Variants in TLR4 observed in about 807,000 individuals in gnomAD.
The protein encoded by TLR4 is toll-like receptor 4.
In TLR4, 17 loss-of-function variants were observed where a neutral mutation model predicts 27.4. The ratio of observed to expected loss-of-function variants is 0.62; its 90% confidence interval spans 0.42 to 0.93. The LOEUF (loss-of-function observed/expected upper bound fraction) is 0.93. Ranked by LOEUF, TLR4 falls within the 40% of genes least tolerant of loss-of-function variation. The pLI is 0.00. For synonymous variants in TLR4, 363 were observed against 365.7 expected (o/e 0.99, Z 0.08); for missense variants, 926 against 962.3 (o/e 0.96, Z 0.50).
chr9:117,707,776 A>G (rs1927911), intron 1 of TLR4, among the ~76,000 whole-genome samples: 94,907 of 152,116 alleles, frequency 0.62, 31,482 homozygotes, highest in Non-Finnish European at 0.74. Flanking sequence ...ATGAGCCAAG[A>G]AAAAGAATGC....
At position 117,713,341 on chromosome 9, in the gene TLR4, G is replaced by A; in HGVS notation, c.1213G>A (p.Asp405Asn). Residue 405 changes from aspartate (D) to asparagine (N), a missense_variant, in exon 3 of 3, where the codon GAT (aspartate) becomes AAT (asparagine). Physicochemically the swap from Asp to Asn is conservative, Grantham distance 23. Transcript: ENST00000355622. Reference protein sequence around the residue: ...DFGTTSLKYLDLSFNGVITMS... With the variant: ...DFGTTSLKYLNLSFNGVITMS... ...TGGGACAACCAGCCTAAAGTATTTAGATCTGAGCTTCAATGGTGTTATTAC... is the reference window on the plus strand; with the variant it reads ...TGGGACAACCAGCCTAAAGTATTTAAATCTGAGCTTCAATGGTGTTATTAC... 1 of 1,614,052 alleles carries A rather than the reference G, an allele frequency of 6.2e-7. No individual in the cohort carries two copies. The highest frequency in any genetic ancestry group is 8.5e-7 in the Non-Finnish European group (1 of 1,180,008).
In TLR4 at chr9:117,704,568, AT is replaced by A; in HGVS notation, c.93+4del. The A allele has an allele frequency of 6.2e-7, 1 of 1,613,340 alleles. No homozygotes were observed. Among genetic ancestry groups the A allele is most frequent in the Non-Finnish European group, 8.5e-7 (1 of 1,179,540 alleles). On this transcript the variant is annotated splice_donor_region_variant and intron_variant, in intron 1 of 2. Coordinates refer to ENST00000355622, the MANE Select transcript of TLR4 (RefSeq NM_138554.5). ...AAAGCTGGGAGCCCTGCGTGGAGGT[AT>A]GTGGCTGGAGTCAGCTCCTCTGAAC... is the stretch of plus-strand genomic sequence containing the variant.
chr9:117,718,187 T>A lies in TLR4; in HGVS notation c.*3539T>A, dbSNP rs1031087969. 12 of 152,100 alleles carry A rather than the reference T, an allele frequency of 7.9e-5. No individual in the cohort carries two copies. Among genetic ancestry groups the A allele is most frequent in the Non-Finnish European group, 1.8e-4 (12 of 68,004 alleles). 9.4% of individuals were successfully genotyped at this position (152,100 alleles called of 1,614,324 possible). On this transcript the variant is annotated 3_prime_UTR_variant, in exon 3 of 3. Transcript: ENST00000355622. Reference sequence around the variant, plus strand: ...TTCAATAGCCCACAGAGTAGGAAAGTGACAAAACCTGAGCCTGGGCCTCCA... The same window carrying A: ...TTCAATAGCCCACAGAGTAGGAAAGAGACAAAACCTGAGCCTGGGCCTCCA...
Position 117,721,959 on chromosome 9 carries a change from C to T in TLR4, c.*7311C>T, listed in dbSNP as rs1263010819. The T allele has an allele frequency of 1.3e-5, 2 of 152,212 alleles. No homozygotes were observed. The highest frequency in any genetic ancestry group is 2.9e-5 in the Non-Finnish European group (2 of 68,040). The allele number at this position is 152,212 out of a possible 1,614,324, so 9.4% of individuals were successfully genotyped here. On this transcript the variant is annotated 3_prime_UTR_variant, in exon 3 of 3. Transcript: ENST00000355622. Reference sequence around the variant, plus strand: ...ATTGGCCTATTTGATGGTGAGCTCACTACATCCATTTAGATGTTGTGTCCA... The same window carrying T: ...ATTGGCCTATTTGATGGTGAGCTCATTACATCCATTTAGATGTTGTGTCCA...
At chr9:117,710,623 A>C (rs1458318098) in intron 2 of TLR4, among the ~76,000 whole-genome samples, 1 of 152,118 alleles carries the variant, frequency 6.6e-6, no homozygotes, top group Non-Finnish European at 1.5e-5. Context: ...AATTAGGGCA[A>C]GCACAAAAGA....
Position 117,713,805 on chromosome 9 carries a change from C to CA in TLR4, c.1683dup (p.Gln562ThrfsTer9), listed in dbSNP as rs759923416. On this transcript the variant is annotated frameshift_variant, in exon 3 of 3. Coordinates refer to ENST00000355622, the MANE Select transcript of TLR4 (RefSeq NM_138554.5). LOFTEE classifies it high-confidence loss of function. ...ACAGTCTCAATCACATAATGACTTCCAAAAAACAGGAACTACAGCATTTTC... is the reference window on the plus strand; with the variant it reads ...ACAGTCTCAATCACATAATGACTTCCAAAAAAACAGGAACTACAGCATTTTC... 1.1e-5 allele frequency: 18 copies of CA among 1,613,868 alleles called. No individual in the cohort carries two copies. In the African/African-American group the frequency reaches 1.5e-4, roughly 13 times the overall value.
chr9:117,714,488 G>A lies in TLR4; in HGVS notation c.2360G>A (p.Arg787His), dbSNP rs200905500. The change falls in exon 3 of 3, where the codon CGC (arginine) becomes CAC (histidine). Residue 787 changes from arginine (R) to histidine (H), a missense_variant. Transcript: ENST00000355622. Reference sequence around the variant, plus strand: ...CTCAGGCAGCAGGTGGAGCTGTACCGCCTTCTCAGCAGGAACACTTACCTG... The same window carrying A: ...CTCAGGCAGCAGGTGGAGCTGTACCACCTTCTCAGCAGGAACACTTACCTG... Reference protein sequence around the residue: ...TLLRQQVELYRLLSRNTYLEW... With the variant: ...TLLRQQVELYHLLSRNTYLEW... 309 of 1,613,730 alleles carry A rather than the reference G, an allele frequency of 1.9e-4. 2 individuals are homozygous for A. The South Asian group carries it at 2.4e-3, about 13-fold the overall frequency.
Position 117,714,645 on chromosome 9 carries a change from C to T in TLR4, c.2517C>T (p.Ile839=). 6.2e-7 allele frequency: 1 copy of T among 1,612,342 alleles called. No homozygotes were observed. Among genetic ancestry groups the T allele is most frequent in the Non-Finnish European group, 8.5e-7 (1 of 1,179,846 alleles). ...GCAATTGGCAGGAAGCAACATCTAT[C>T]TGAAGAGGAAAAATAAAAACCTCCT... ...TGCNWQEATS[I] is the part of the protein sequence containing the mutation. The change falls in exon 3 of 3, where the codon ATC becomes ATT. Residue 839 remains isoleucine (I), a synonymous_variant. Coordinates refer to ENST00000355622, the MANE Select transcript of TLR4 (RefSeq NM_138554.5).
chr9:117,708,964 AT>A, intron 2 of TLR4: 1 of 494,128 alleles, frequency 2.0e-6, no homozygotes, highest in East Asian at 3.8e-5. Context: ...GGCAATTCTA[AT>A]TTTAGGTTTT....
In TLR4 at chr9:117,712,979, C is replaced by T; in HGVS notation, c.851C>T (p.Thr284Ile). ...GCTCTAGAGGGCCTGTGCAATTTGA[C>T]CATTGAAGAATTCCGATTAGCATAC... ...KSALEGLCNL[T>I]IEEFRLAYLD... Residue 284 changes from threonine to isoleucine, a missense_variant, in exon 3 of 3, where the codon ACC (threonine) becomes ATC (isoleucine). Physicochemically the swap from Thr to Ile is moderately conservative, Grantham distance 89. Transcript: ENST00000355622. The T allele has an allele frequency of 1.2e-6, 2 of 1,614,012 alleles. No homozygotes were observed. Among genetic ancestry groups the T allele is most frequent in the Admixed American group, 1.7e-5 (1 of 59,998 alleles).
In TLR4 at chr9:117,723,924, T is replaced by G. The variant is rs569794222; in HGVS notation, c.*9276T>G. ...GAGGTACCATTCGACCCCTTGTGCC[T>G]CTTACCATATGTGAATGCTTGTCAG... On this transcript the variant is annotated 3_prime_UTR_variant, in exon 3 of 3. Transcript: ENST00000355622. 4.8e-4 allele frequency: 73 copies of G among 152,320 alleles called. 1 individual carries two copies. Among genetic ancestry groups the G allele is most frequent in the African/African-American group, 1.7e-3 (71 of 41,570 alleles). 9.4% of individuals were successfully genotyped at this position (152,320 alleles called of 1,614,324 possible). A position where few individuals can be genotyped will look rare whatever the true frequency, so the allele number is the denominator to read the frequency against.
chr9:117,724,222 T>G lies in TLR4; in HGVS notation c.*9574T>G, dbSNP rs1829454073. ...TGTGGCATCTGTCTCTAAATCATGCTTCCTCCTTGCCTGCTGCAGGCCCTT... is the reference window on the plus strand; with the variant it reads ...TGTGGCATCTGTCTCTAAATCATGCGTCCTCCTTGCCTGCTGCAGGCCCTT... On this transcript the variant is annotated 3_prime_UTR_variant, in exon 3 of 3. Transcript: ENST00000355622. 1 of 152,384 alleles carries G rather than the reference T, an allele frequency of 6.6e-6. No homozygotes were observed. The highest frequency in any genetic ancestry group is 2.4e-5 in the African/African-American group (1 of 41,456). The allele number at this position is 152,384 out of a possible 1,614,324, so 9.4% of individuals were successfully genotyped here.
chr9:117,712,241 T>A, intron 2 of TLR4, 148 bp from the exon 3 acceptor site: 1 of 769,156 alleles, frequency 1.3e-6, no homozygotes. Context: ...TATTCCATCA[T>A]CATCTGTCCT....
Position 117,713,817 on chromosome 9 carries a change from A to G in TLR4, c.1689A>G (p.Glu563=), listed in dbSNP as rs1357490452. 3 of 1,614,022 alleles carry G rather than the reference A, an allele frequency of 1.9e-6. No homozygotes were observed. The highest frequency in any genetic ancestry group is 1.3e-5 in the African/African-American group (1 of 75,058). ...LNHIMTSKKQ[E]LQHFPSSLAF... is the part of the protein sequence containing the mutation. ...ACATAATGACTTCCAAAAAACAGGA[A>G]CTACAGCATTTTCCAAGTAGTCTAG... is the stretch of plus-strand genomic sequence containing the variant. Residue 563 remains glutamate, a synonymous_variant, in exon 3 of 3, where the codon GAA becomes GAG. Coordinates refer to ENST00000355622, the MANE Select transcript of TLR4 (RefSeq NM_138554.5).
rs1829424844 is a variant in TLR4, at chr9:117,721,734, CACAG to C, written c.*7092_*7095del. 6.6e-6 allele frequency: 1 copy of C among 152,170 alleles called. No individual in the cohort carries two copies. The highest frequency in any genetic ancestry group is 2.1e-4 in the South Asian group (1 of 4,826). 9.4% of individuals were successfully genotyped at this position (152,170 alleles called of 1,614,324 possible). ...TTAAAATATTCTCCCAGTTTTCGTGCACAGACAGATTTGGGAATTACTGTTATAA... is the reference window on the plus strand; with the variant it reads ...TTAAAATATTCTCCCAGTTTTCGTGCACAGATTTGGGAATTACTGTTATAA... On this transcript the variant is annotated 3_prime_UTR_variant, in exon 3 of 3. Transcript: ENST00000355622.
rs1829272383 is a variant in TLR4 at position 117,713,207 on chromosome 9, C to T, written c.1079C>T (p.Ser360Phe). The change falls in exon 3 of 3, where the codon TCC becomes TTC. Residue 360 changes from serine (S) to phenylalanine (F), a missense_variant. Ser to Phe is a radical substitution (Grantham distance 155). Coordinates refer to ENST00000355622, the MANE Select transcript of TLR4 (RefSeq NM_138554.5). ...TCTCTCAAAAGGCTTACTTTCACTTCCAACAAAGGTGGGAATGCTTTTTCA... is the reference window on the plus strand; with the variant it reads ...TCTCTCAAAAGGCTTACTTTCACTTTCAACAAAGGTGGGAATGCTTTTTCA... ...LKSLKRLTFTSNKGGNAFSEV... is the reference protein window; with the variant it reads ...LKSLKRLTFTFNKGGNAFSEV... 3.7e-6 allele frequency: 6 copies of T among 1,613,992 alleles called. No homozygotes were observed. The highest frequency in any genetic ancestry group is 5.1e-6 in the Non-Finnish European group (6 of 1,179,976).
intron 2 of TLR4, among the ~76,000 whole-genome samples, chr9:117,709,184 C>T (rs1829188692): frequency 6.6e-6 from 1 of 152,068 alleles, no homozygotes; most frequent in Non-Finnish European, 1.5e-5. Context: ...ATAGTCAACA[C>T]ATTTTAATTA....
chr9:117,711,322 A>G (rs970967635), intron 2 of TLR4, among the ~76,000 whole-genome samples: 3 of 152,214 alleles, frequency 2.0e-5, no homozygotes, highest in Non-Finnish European at 2.9e-5. Context: ...GGATTAAGAA[A>G]GAACTTATTT....
Position 117,713,073 on chromosome 9 carries a change from G to A in TLR4, c.945G>A (p.Leu315=). 6.2e-7 allele frequency: 1 copy of A among 1,613,810 alleles called. No homozygotes were observed. ...TGACAAATGTTTCTTCATTTTCCCT[G>A]GTGAGTGTGACTATTGAAAGGGTAA... is the stretch of plus-strand genomic sequence containing the variant. ...NCLTNVSSFS[L]VSVTIERVKD... is the part of the protein sequence containing the mutation. Residue 315 remains leucine, a synonymous_variant, in exon 3 of 3, where the codon CTG becomes CTA. Coordinates refer to ENST00000355622, the MANE Select transcript of TLR4 (RefSeq NM_138554.5).
Sources: allele counts gnomAD v4.1 joint callset (sites outside exome capture counted in the v4.1 genomes callset), GRCh38; gene constraint gnomAD v4.1.1; transcripts MANE v1.5; gene names NCBI Gene and HGNC (gene_info 2026-07-23, HGNC 2026-07-21).